LRRC37A2: variants seen among roughly 807,000 people sequenced by gnomAD.
The protein encoded by LRRC37A2 is leucine rich repeat containing 37 member A2, also known as leucine-rich repeat-containing protein 37A2.
Under a neutral mutation model 68.8 loss-of-function variants are expected in LRRC37A2, and 9 were observed. That is an observed-to-expected ratio of 0.13 (90% CI 0.08 to 0.23). The LOEUF is 0.23. Among genes scored for constraint, LRRC37A2 ranks in the 10% least tolerant of loss-of-function variants. The probability of loss-of-function intolerance (pLI) is 1.00; values close to 1 mark genes in which losing one functional copy is unlikely to be tolerated. For synonymous variants in LRRC37A2, 63 were observed against 367.6 expected, an observed-to-expected ratio of 0.17 and a Z score of 9.48; for missense variants, 168 against 950.4, an observed-to-expected ratio of 0.18 and a Z score of 10.82.
chr17:47,027,971 A>C, the LRRC37A2 span, among the ~76,000 whole-genome samples: 1 of 152,028 alleles, frequency 6.6e-6, no homozygotes, highest in South Asian at 2.1e-4. Context: ...TATAAGACAA[A>C]CCCCCATGGC....
chr17:46,568,179 GT>G, the LRRC37A2 span, among the ~76,000 whole-genome samples: 3 of 132,098 alleles, frequency 2.3e-5, no homozygotes, highest in Admixed American at 7.5e-5. Flanking sequence ...GAACTGGACA[GT>G]GGTGATGGTT....
At chr17:47,014,015 C>T in the LRRC37A2 span, among the ~76,000 whole-genome samples, 1 of 152,036 alleles carries the variant, frequency 6.6e-6, no homozygotes, top group Non-Finnish European at 1.5e-5. Context: ...ATCGCTTGAA[C>T]CCGGGAGGCG....
At chr17:46,773,484 T>C in the LRRC37A2 span, among the ~76,000 whole-genome samples, 2 of 151,760 alleles carry the variant, frequency 1.3e-5, no homozygotes, top group Non-Finnish European at 2.9e-5. Flanking sequence ...TCCTGGAGCA[T>C]CTCAAGGCGG....
At chr17:46,938,660 G>A in the LRRC37A2 span, 2 of 1,614,062 alleles carry the variant, frequency 1.2e-6, no homozygotes, top group Admixed American at 1.7e-5. Context: ...ACAGTGATGC[G>A]GCTCATCGAG....
chr17:46,960,160 C>T, the LRRC37A2 span, among the ~76,000 whole-genome samples: 1 of 152,144 alleles, frequency 6.6e-6, no homozygotes, highest in South Asian at 2.1e-4. Context: ...CAAAGCTCAA[C>T]AATAAGAAAA....
At chr17:46,767,775 T>G in the LRRC37A2 span, among the ~76,000 whole-genome samples, 10 of 151,818 alleles carry the variant, frequency 6.6e-5, no homozygotes, top group Admixed American at 5.2e-4. Context: ...TGAATTTTGT[T>G]TTTTTTTGTT....
chr17:46,811,104 G>C, the LRRC37A2 span, among the ~76,000 whole-genome samples: 1 of 152,156 alleles, frequency 6.6e-6, no homozygotes, highest in African/African-American at 2.4e-5. Context: ...CCTCCCGGCT[G>C]TACAGGCCAG....
chr17:46,671,574 A>G, the LRRC37A2 span, among the ~76,000 whole-genome samples: 1 of 31,466 alleles, frequency 3.2e-5, no homozygotes, highest in Non-Finnish European at 8.1e-5. Flanking sequence ...TGATGTGCTC[A>G]TTTGAGATCC....
chr17:46,927,767 T>A, the LRRC37A2 span, among the ~76,000 whole-genome samples: 1 of 152,230 alleles, frequency 6.6e-6, no homozygotes, highest in Non-Finnish European at 1.5e-5. Context: ...TTGTTACTGC[T>A]TTGTAAGTCA....
At chr17:46,989,572 G>C in the LRRC37A2 span, among the ~76,000 whole-genome samples, 6 of 152,214 alleles carry the variant, frequency 3.9e-5, no homozygotes, top group Admixed American at 3.9e-4. Context: ...TGTGACCCAC[G>C]ACAGGCTGGT....
the LRRC37A2 span, among the ~76,000 whole-genome samples, chr17:46,831,085 A>T: frequency 1.2e-4 from 19 of 152,346 alleles, no homozygotes; most frequent in African/African-American, 4.3e-4. Flanking sequence ...AAAATAGCAG[A>T]ACAGGTATGC....
At chr17:46,976,117 CG>C in the LRRC37A2 span, among the ~76,000 whole-genome samples, 1 of 151,592 alleles carries the variant, frequency 6.6e-6, no homozygotes, top group African/African-American at 2.4e-5. Context: ...TAGTAGAGAC[CG>C]GGTTTCACTG....
At chr17:46,801,551 C>G in the LRRC37A2 span, among the ~76,000 whole-genome samples, 1 of 152,060 alleles carries the variant, frequency 6.6e-6, no homozygotes. Context: ...ACCTGGGAGG[C>G]GGAGGCTGCA....
the LRRC37A2 span, among the ~76,000 whole-genome samples, chr17:46,793,491 C>T: frequency 2.0e-5 from 3 of 152,170 alleles, no homozygotes; most frequent in East Asian, 1.9e-4. Context: ...GCAGATCTTC[C>T]GCACTGGAGG....
the LRRC37A2 span, among the ~76,000 whole-genome samples, chr17:46,824,731 C>T: frequency 2.1e-3 from 325 of 152,362 alleles, no homozygotes; most frequent in African/African-American, 7.5e-3. Context: ...GGAGAGGGAG[C>T]AGGCAGGGCC....
chr17:46,946,106 C>A, the LRRC37A2 span, among the ~76,000 whole-genome samples: 1,732 of 152,032 alleles, frequency 0.011, 63 homozygotes, highest in Admixed American at 0.066. Flanking sequence ...GGAATCAATT[C>A]TCTGTCGTCA....
the LRRC37A2 span, chr17:46,833,206 A>C: frequency 5.1e-6 from 2 of 395,236 alleles, no homozygotes; most frequent in African/African-American, 4.1e-5. Flanking sequence ...ACGTCAGCAA[A>C]CCGGGAAGCA....
chr17:46,840,564 A>G, the LRRC37A2 span, among the ~76,000 whole-genome samples: 9 of 152,358 alleles, frequency 5.9e-5, no homozygotes, highest in Non-Finnish European at 8.8e-5. Context: ...TGCTAGTTCT[A>G]GATCCTTGAG....
chr17:46,921,763 C>T, the LRRC37A2 span, among the ~76,000 whole-genome samples: 1 of 152,156 alleles, frequency 6.6e-6, no homozygotes, highest in Non-Finnish European at 1.5e-5. Flanking sequence ...CAGAGAAATG[C>T]AAATCAAAAC....
Sources: gnomAD v4.1 joint callset for allele counts (sites outside exome capture counted in the v4.1 genomes callset) on GRCh38, gnomAD v4.1.1 for gene constraint, MANE v1.5 for transcripts, NCBI Gene and HGNC (gene_info 2026-07-23, HGNC 2026-07-21) for gene names.